Variants in CIAO2A observed in about 807,000 individuals in gnomAD.
CIAO2A encodes MIP18 family protein FAM96A.
In CIAO2A, 17 loss-of-function variants were observed where a neutral mutation model predicts 22.4. That is an observed-to-expected ratio of 0.76 (90% confidence interval 0.52 to 1.14). The LOEUF (loss-of-function observed/expected upper bound fraction) is 1.14. Among genes scored for constraint, CIAO2A ranks in the 50% most tolerant of loss-of-function variants. CIAO2A has a pLI of 0.00. For synonymous variants in CIAO2A, 74 were observed against 72.3 expected (o/e 1.02, Z -0.12); for missense variants, 192 against 191.4 (o/e 1.00, Z -0.02).
At chr15:64,091,483 CA>C (rs35800673) in intron 1 of CIAO2A, among the ~76,000 whole-genome samples, 109,622 of 121,530 alleles carry the variant, frequency 0.9, 49,429 homozygotes, top group East Asian at 0.98. Flanking sequence ...GACTCTGTCT[CA>C]AAAAAAAAAA....
chr15:64,078,611 G>C (rs1291727713), intron 3 of CIAO2A, among the ~76,000 whole-genome samples: 2 of 145,600 alleles, frequency 1.4e-5, no homozygotes, highest in Non-Finnish European at 3.0e-5. Context: ...CCTCCAGCCT[G>C]GGCGACAGAG....
chr15:64,074,205 A>G (rs1400888181), intron 4 of CIAO2A: 1 of 152,238 alleles, frequency 6.6e-6, no homozygotes, highest in African/African-American at 2.4e-5. Context: ...AAGAGAGACG[A>G]CTATATTCTT....
intron 1 of CIAO2A, among the ~76,000 whole-genome samples, chr15:64,091,456 G>A (rs1284408411): frequency 6.8e-6 from 1 of 146,612 alleles, no homozygotes; most frequent in Non-Finnish European, 1.5e-5. Flanking sequence ...CTGCACTCTA[G>A]CCTGGGTGAC....
At chr15:64,075,440 G>T in intron 4 of CIAO2A, 52 bp downstream of exon 4, 2 of 1,201,728 alleles carry the variant, frequency 1.7e-6, no homozygotes, top group Non-Finnish European at 2.3e-6. Context: ...CAGTATCCAA[G>T]ATAAAATACT....
intron 3 of CIAO2A, among the ~76,000 whole-genome samples, chr15:64,077,925 G>C (rs1252755967): frequency 6.6e-6 from 1 of 152,102 alleles, no homozygotes; most frequent in East Asian, 1.9e-4. Context: ...TTGTTTTCAG[G>C]AAATACATCC....
At chr15:64,079,759 C>T (rs998162771) in intron 3 of CIAO2A, among the ~76,000 whole-genome samples, 2 of 152,174 alleles carry the variant, frequency 1.3e-5, no homozygotes, top group Admixed American at 1.3e-4. Flanking sequence ...GGGTTAAAAA[C>T]ATCTTCCTCA....
At chr15:64,073,334 C>G (rs1198966251) in intron 4 of CIAO2A, among the ~76,000 whole-genome samples, 1 of 151,962 alleles carries the variant, frequency 6.6e-6, no homozygotes, top group Non-Finnish European at 1.5e-5. Flanking sequence ...CCCCATAAGC[C>G]TATATTTTAA....
chr15:64,078,649 A>AAAAG (rs1204892603), intron 3 of CIAO2A, among the ~76,000 whole-genome samples: 1 of 151,594 alleles, frequency 6.6e-6, no homozygotes. Flanking sequence ...CAAAAAAAAA[A>AAAAG]AAAAAAGAAA....
At chr15:64,084,998 C>T (rs770059732) in intron 2 of CIAO2A, among the ~76,000 whole-genome samples, 14 of 148,134 alleles carry the variant, frequency 9.5e-5, no homozygotes, top group South Asian at 2.1e-4. Context: ...GAGGCTGAAG[C>T]GGAGAATCAC....
intron 1 of CIAO2A, among the ~76,000 whole-genome samples, chr15:64,089,425 G>A (rs534101262): frequency 4.3e-4 from 59 of 136,732 alleles, no homozygotes; most frequent in African/African-American, 1.5e-3. Context: ...CCACTCAGGA[G>A]GATCGCTTGA....
At chr15:64,089,944 TAG>T (rs1232005672) in intron 1 of CIAO2A, among the ~76,000 whole-genome samples, 2 of 152,170 alleles carry the variant, frequency 1.3e-5, no homozygotes, top group Non-Finnish European at 2.9e-5. Flanking sequence ...AACTGTAGCA[TAG>T]AGTTTAAAAC....
chr15:64,087,746 G>T (rs1249291619), intron 2 of CIAO2A, among the ~76,000 whole-genome samples: 1 of 152,104 alleles, frequency 6.6e-6, no homozygotes, highest in Admixed American at 6.6e-5. Flanking sequence ...TAGTCCCATG[G>T]TTTGAAAATG....
intron 1 of CIAO2A, chr15:64,090,144 A>C (rs1440136626): frequency 6.5e-6 from 1 of 154,064 alleles, no homozygotes; most frequent in Non-Finnish European, 1.4e-5. Context: ...AGAGTTCGAG[A>C]CCAGCCTGGT....
At chr15:64,073,859 TC>T (rs1180179319) in intron 4 of CIAO2A, 1 of 152,194 alleles carries the variant, frequency 6.6e-6, no homozygotes, top group Non-Finnish European at 1.5e-5. Flanking sequence ...CGCCTTGGCC[TC>T]CCAAAGTGCT....
intron 3 of CIAO2A, among the ~76,000 whole-genome samples, chr15:64,078,283 A>G (rs2140106728): frequency 6.6e-6 from 1 of 152,338 alleles, no homozygotes; most frequent in South Asian, 2.1e-4. Context: ...CCAAATATGT[A>G]TAAGATCATA....
intron 2 of CIAO2A, among the ~76,000 whole-genome samples, chr15:64,085,320 T>A (rs1163339765): frequency 6.6e-6 from 1 of 152,028 alleles, no homozygotes; most frequent in Non-Finnish European, 1.5e-5. Context: ...GCCCAGGAAT[T>A]TGAGACCAGC....
chr15:64,075,911 G>A (rs541851013), intron 3 of CIAO2A, among the ~76,000 whole-genome samples: 32 of 151,348 alleles, frequency 2.1e-4, no homozygotes, highest in Non-Finnish European at 3.5e-4. Context: ...GATCCGCCTC[G>A]GCTTCCCAAA....
At chr15:64,084,855 G>A (rs930340994) in intron 2 of CIAO2A, among the ~76,000 whole-genome samples, 2 of 152,112 alleles carry the variant, frequency 1.3e-5, no homozygotes, top group Admixed American at 6.6e-5. Flanking sequence ...CACTTTGGTA[G>A]GCCAAAGAGG....
chr15:64,091,853 G>C (rs1216208164), intron 1 of CIAO2A, among the ~76,000 whole-genome samples: 1 of 152,014 alleles, frequency 6.6e-6, no homozygotes, highest in Non-Finnish European at 1.5e-5. Context: ...GAGCTCAGGA[G>C]TCCAAGACCA....
Sources: allele counts gnomAD v4.1 joint callset (sites outside exome capture counted in the v4.1 genomes callset), GRCh38; gene constraint gnomAD v4.1.1; transcripts MANE v1.5; gene names NCBI Gene and HGNC (gene_info 2026-07-23, HGNC 2026-07-21).